MACROD2: variants seen among roughly 807,000 people sequenced by gnomAD.
MACROD2 encodes the protein ADP-ribose glycohydrolase MACROD2.
Under a neutral mutation model 70.4 loss-of-function variants are expected in MACROD2, and 36 were observed. The ratio of observed to expected loss-of-function variants is 0.51; its 90% CI spans 0.39 to 0.68. MACROD2 has a LOEUF of 0.68. Among genes scored for constraint, MACROD2 ranks in the 30% least tolerant of loss-of-function variants. MACROD2 has a pLI of 0.00. For missense variants in MACROD2, 496 were observed against 538.4 expected, an observed-to-expected ratio of 0.92 and a Z score of 0.78; for synonymous variants, 172 against 178.8, an observed-to-expected ratio of 0.96 and a Z score of 0.30.
intron 2 of MACROD2, among the ~76,000 whole-genome samples, chr20:14,030,148 C>T (rs932022338): frequency 4.6e-5 from 7 of 152,230 alleles, no homozygotes; most frequent in African/African-American, 1.7e-4. Context: ...TCCTTCCACT[C>T]CTAGCTCAGC....
chr20:14,386,604 C>G (rs2083470253), intron 3 of MACROD2, among the ~76,000 whole-genome samples: 1 of 152,220 alleles, frequency 6.6e-6, no homozygotes, highest in Non-Finnish European at 1.5e-5. Flanking sequence ...CTCTCTTTCT[C>G]TCTCTCTCTT....
At chr20:14,875,448 A>C (rs2073539858) in intron 5 of MACROD2, among the ~76,000 whole-genome samples, 1 of 152,138 alleles carries the variant, frequency 6.6e-6, no homozygotes, top group African/African-American at 2.4e-5. Context: ...ATTTTCTCAA[A>C]GTTCCTCTTA....
chr20:14,711,728 AGTATTTCCAATTGACTTATAG>A (rs1194686324), intron 5 of MACROD2, among the ~76,000 whole-genome samples: 1 of 152,108 alleles, frequency 6.6e-6, no homozygotes, highest in Admixed American at 6.5e-5. Flanking sequence ...CCCCAGCCCC[AGTATTTCCAATTGACTTATAG>A]AAACAGTTGC....
rs111699911 is a variant in MACROD2, at chr20:14,466,474, T to C, written c.272-27005T>C. The stretch of plus-strand genomic sequence containing the variant: ...AAGTTTTTAACTTCTTTGCCATTGG[T>C]TCAAACTTATTCCTTTAGCTCAAAG... On this transcript the variant is annotated intron_variant, in intron 3 of 17. Transcript: ENST00000684519. 1.1e-3 allele frequency among the ~76,000 whole-genome samples: 175 copies of C among 152,278 alleles called. 2 individuals carry two copies. Among genetic ancestry groups the C allele is most frequent in the African/African-American group, 4.1e-3 (171 of 41,518 alleles).
chr20:15,475,560 C>T (rs888700917), intron 7 of MACROD2, among the ~76,000 whole-genome samples: 1 of 152,182 alleles, frequency 6.6e-6, no homozygotes, highest in Non-Finnish European at 1.5e-5. Context: ...GCATTTACAG[C>T]CATCATTGTG....
At chr20:15,244,222 G>T (rs186692865) in intron 6 of MACROD2, among the ~76,000 whole-genome samples, 5 of 151,998 alleles carry the variant, frequency 3.3e-5, no homozygotes, top group African/African-American at 1.2e-4. Context: ...CCATGTTGGG[G>T]CTATTTACAT....
intron 3 of MACROD2, among the ~76,000 whole-genome samples, chr20:14,106,937 G>A (rs1250395479): frequency 6.6e-6 from 1 of 152,130 alleles, no homozygotes; most frequent in Non-Finnish European, 1.5e-5. Context: ...GCACAAACAA[G>A]CCCAGACTGT....
At chr20:15,992,967 C>T (rs1005879586) in intron 15 of MACROD2, among the ~76,000 whole-genome samples, 7 of 152,126 alleles carry the variant, frequency 4.6e-5, no homozygotes, top group African/African-American at 1.7e-4. Flanking sequence ...TTCATCTAAA[C>T]ATAATATTGT....
At chr20:15,701,547 A>G (rs1275048449) in intron 8 of MACROD2, among the ~76,000 whole-genome samples, 1 of 152,206 alleles carries the variant, frequency 6.6e-6, no homozygotes, top group Non-Finnish European at 1.5e-5. Context: ...TCTCTAAACT[A>G]TTCTTTTCCT....
intron 3 of MACROD2, among the ~76,000 whole-genome samples, chr20:14,120,452 A>C (rs1182217701): frequency 6.6e-6 from 1 of 151,906 alleles, no homozygotes; most frequent in Non-Finnish European, 1.5e-5. Flanking sequence ...ACCATTGTGG[A>C]AGACAGTATG....
intron 3 of MACROD2, among the ~76,000 whole-genome samples, chr20:14,442,662 G>A (rs867535832): frequency 6.6e-6 from 1 of 152,028 alleles, no homozygotes; most frequent in Non-Finnish European, 1.5e-5. Flanking sequence ...AATTCCTAAT[G>A]CTCTTCTTCT....
chr20:15,733,093 C>G (rs2050968740), intron 8 of MACROD2, among the ~76,000 whole-genome samples: 1 of 152,128 alleles, frequency 6.6e-6, no homozygotes, highest in African/African-American at 2.4e-5. Flanking sequence ...TCCATTACAT[C>G]TAAGTTGATT....
chr20:15,531,356 TTC>T (rs2047798724), intron 8 of MACROD2, among the ~76,000 whole-genome samples: 1 of 151,914 alleles, frequency 6.6e-6, no homozygotes, highest in Admixed American at 6.6e-5. Flanking sequence ...TATGTTAATT[TTC>T]TCTTTATTAA....
chr20:15,226,032 A>C (rs2076903214), intron 5 of MACROD2, among the ~76,000 whole-genome samples: 1 of 152,192 alleles, frequency 6.6e-6, no homozygotes, highest in Admixed American at 6.5e-5. Context: ...ATTGATGCTC[A>C]TTTATCTGGA....
chr20:14,509,836 G>A lies in MACROD2; in HGVS notation c.301+16328G>A, dbSNP rs142395979. Among the ~76,000 whole-genome samples the A allele has an allele frequency of 6.3e-3, 950 of 151,876 alleles. 17 individuals are homozygous for A. The highest frequency in any genetic ancestry group is 0.021 in the African/African-American group (885 of 41,432). ...TATTGGTATTAAGATTCTATAATACGTTAGATTTTTCTTCAGAACTTCTAC... is the reference window on the plus strand; with the variant it reads ...TATTGGTATTAAGATTCTATAATACATTAGATTTTTCTTCAGAACTTCTAC... On this transcript the variant is annotated intron_variant, in intron 4 of 17. Coordinates refer to ENST00000684519, the MANE Select transcript of MACROD2 (RefSeq NM_001351661.2).
intron 5 of MACROD2, among the ~76,000 whole-genome samples, chr20:15,057,701 G>A (rs1273637233): frequency 6.6e-6 from 1 of 152,186 alleles, no homozygotes; most frequent in East Asian, 1.9e-4. Context: ...GAAAGCAGGT[G>A]TCTGGGTGTG....
chr20:14,194,445 T>G (rs2081413559), intron 3 of MACROD2, among the ~76,000 whole-genome samples: 1 of 152,110 alleles, frequency 6.6e-6, no homozygotes, highest in South Asian at 2.1e-4. Flanking sequence ...CTAGAAGCCA[T>G]GCTATAGGGA....
chr20:15,996,711 A>G (rs1331351323), intron 15 of MACROD2, among the ~76,000 whole-genome samples: 1 of 151,902 alleles, frequency 6.6e-6, no homozygotes, highest in African/African-American at 2.4e-5. Context: ...AGTTTAATGA[A>G]TATCTGTTTA....
At chr20:15,850,522 G>A (rs1023448550) in intron 8 of MACROD2, among the ~76,000 whole-genome samples, 3 of 152,180 alleles carry the variant, frequency 2.0e-5, no homozygotes, top group African/African-American at 7.2e-5. Flanking sequence ...GTGTGGGCCC[G>A]CTTATCTTTT....
Sources: allele counts gnomAD v4.1 joint callset (sites outside exome capture counted in the v4.1 genomes callset), GRCh38; gene constraint gnomAD v4.1.1; transcripts MANE v1.5; gene names NCBI Gene and HGNC (gene_info 2026-07-23, HGNC 2026-07-21).